Variants in SLC4A4 observed in about 807,000 individuals in gnomAD.
SLC4A4 encodes the protein solute carrier family 4 member 4.
A neutral mutation model predicts 111.5 loss-of-function variants in SLC4A4; 27 were observed. The ratio of observed to expected loss-of-function variants is 0.24; its 90% CI spans 0.18 to 0.33. SLC4A4 has a LOEUF of 0.33. Ranked by LOEUF, SLC4A4 falls within the 10% of genes least tolerant of loss-of-function variation. The pLI, the probability that SLC4A4 is intolerant of heterozygous loss-of-function variation, is 1.00. For synonymous variants in SLC4A4, 443 were observed against 463.4 expected, an observed-to-expected ratio of 0.96 and a Z score of 0.57; for missense variants, 909 against 1,315.5, an observed-to-expected ratio of 0.69 and a Z score of 4.78.
intron 2 of SLC4A4, among the ~76,000 whole-genome samples, chr4:71,155,361 C>A (rs969186049): frequency 1.3e-5 from 2 of 152,128 alleles, no homozygotes; most frequent in African/African-American, 4.8e-5. Flanking sequence ...TATTAAAAAA[C>A]CAAATAAAGA....
chr4:71,501,252 T>C (rs914357458), intron 16 of SLC4A4, among the ~76,000 whole-genome samples: 3 of 152,168 alleles, frequency 2.0e-5, no homozygotes, highest in Admixed American at 1.3e-4. Context: ...TTCAGATAGG[T>C]TGTTGTTGGT....
At chr4:71,092,379 T>C (rs1428513168) in intron 1 of SLC4A4, among the ~76,000 whole-genome samples, 2 of 152,242 alleles carry the variant, frequency 1.3e-5, no homozygotes, top group Non-Finnish European at 2.9e-5. Context: ...TGTTGACAGA[T>C]ATTTTAAAAA....
At chr4:71,443,234 C>T (rs1396671903) in intron 8 of SLC4A4, among the ~76,000 whole-genome samples, 11 of 149,370 alleles carry the variant, frequency 7.4e-5, no homozygotes, top group Non-Finnish European at 1.5e-4. Flanking sequence ...CACTGCAACC[C>T]CCGCCTCCCT....
rs908520478 is a variant in SLC4A4, at chr4:71,493,524, CT to C, written c.1975-3968del. Among the ~76,000 whole-genome samples, 5 of 151,346 alleles carry C rather than the reference CT, an allele frequency of 3.3e-5. No individual in the cohort carries two copies. In the East Asian group the frequency reaches 7.8e-4, roughly 24 times the overall value. On this transcript the variant is annotated intron_variant, in intron 15 of 25. Transcript: ENST00000264485. ...TGCTACTGTCTTGCTCTGCTCTTTT[CT>C]TTTTTTTTCCTTATTGATGCACAGT...
chr4:71,267,225 G>A lies in SLC4A4; in HGVS notation c.253+11826G>A, dbSNP rs549271174. ...TTAAGTTCTACCTTTGGTATGTACT[G>A]TTGGAGTGTGGCCCATGGTGCTGTG... On this transcript the variant is annotated intron_variant, in intron 3 of 25. Transcript: ENST00000264485. 2.0e-5 allele frequency among the ~76,000 whole-genome samples: 3 copies of A among 152,304 alleles called. No individual in the cohort carries two copies. The South Asian group carries it at 6.2e-4, about 32-fold the overall frequency.
intron 3 of SLC4A4, among the ~76,000 whole-genome samples, chr4:71,315,522 CT>C (rs2148860646): frequency 6.6e-6 from 1 of 152,180 alleles, no homozygotes; most frequent in African/African-American, 2.4e-5. Flanking sequence ...TGATGTGGAC[CT>C]TTTTCAATAG....
chr4:71,379,161 C>A (rs764964699), intron 6 of SLC4A4, among the ~76,000 whole-genome samples: 12 of 152,286 alleles, frequency 7.9e-5, no homozygotes, highest in Non-Finnish European at 1.6e-4. Flanking sequence ...ACACATCACT[C>A]CCTCTGCTCA....
intron 1 of SLC4A4, among the ~76,000 whole-genome samples, chr4:71,078,943 C>G (rs1379095072): frequency 1.3e-5 from 2 of 152,116 alleles, no homozygotes; most frequent in East Asian, 3.9e-4. Flanking sequence ...CTCAGCCTCC[C>G]AAGTAGCCAG....
chr4:71,420,601 C>A lies in SLC4A4; in HGVS notation c.808-20015C>A, dbSNP rs185436030. On this transcript the variant is annotated intron_variant, in intron 7 of 25. Coordinates refer to ENST00000264485, the MANE Select transcript of SLC4A4 (RefSeq NM_001098484.3). ...AGCCAGAGAGAAAGGTCGGGTTACTCACAAAGGGAAGCCCATCAGACTAAC... is the reference window on the plus strand; with the variant it reads ...AGCCAGAGAGAAAGGTCGGGTTACTAACAAAGGGAAGCCCATCAGACTAAC... 2.2e-3 allele frequency among the ~76,000 whole-genome samples: 339 copies of A among 152,310 alleles called. 1 individual carries two copies. The highest frequency in any genetic ancestry group is 7.6e-3 in the African/African-American group (316 of 41,550).
intron 12 of SLC4A4, among the ~76,000 whole-genome samples, chr4:71,465,521 A>G (rs897768024): frequency 6.6e-6 from 1 of 150,422 alleles, no homozygotes; most frequent in Non-Finnish European, 1.5e-5. Context: ...TAATTATTTT[A>G]ATGGCAAAAA....
At chr4:71,089,081 T>C (rs1024056163) in intron 1 of SLC4A4, among the ~76,000 whole-genome samples, 8 of 152,084 alleles carry the variant, frequency 5.3e-5, no homozygotes, top group Non-Finnish European at 1.5e-5. Flanking sequence ...AGTCCCATAT[T>C]TCTTGGAGGC....
chr4:71,287,302 A>G (rs1723992670), intron 3 of SLC4A4, among the ~76,000 whole-genome samples: 2 of 152,354 alleles, frequency 1.3e-5, no homozygotes, highest in Non-Finnish European at 2.9e-5. Flanking sequence ...AATGAAATAC[A>G]ATTGTGCATT....
At chr4:71,514,958 T>C (rs1365012393) in intron 16 of SLC4A4, among the ~76,000 whole-genome samples, 2 of 152,040 alleles carry the variant, frequency 1.3e-5, no homozygotes, top group African/African-American at 4.8e-5. Flanking sequence ...CATTGATTCT[T>C]TGTATTTTTT....
chr4:71,510,381 T>C (rs1445052528), intron 16 of SLC4A4, among the ~76,000 whole-genome samples: 3 of 152,194 alleles, frequency 2.0e-5, no homozygotes, highest in Non-Finnish European at 2.9e-5. Flanking sequence ...GCTATTTTGG[T>C]CCCTTTTTGT....
intron 6 of SLC4A4, among the ~76,000 whole-genome samples, chr4:71,387,554 G>A (rs1177778635): frequency 6.6e-6 from 1 of 152,006 alleles, no homozygotes; most frequent in Admixed American, 6.6e-5. Flanking sequence ...GAGTGCAATG[G>A]TGTGATCTTG....
intron 16 of SLC4A4, among the ~76,000 whole-genome samples, chr4:71,513,695 G>A (rs973862416): frequency 6.6e-5 from 10 of 152,248 alleles, no homozygotes; most frequent in Non-Finnish European, 1.2e-4. Context: ...GGATATCCTT[G>A]TCTTCTTCCA....
upstream of SLC4A4, chr4:71,187,157 C>G (rs1271021514): frequency 2.0e-5 from 3 of 151,832 alleles, no homozygotes; most frequent in Non-Finnish European, 4.4e-5. Context: ...ACTGGCGCCC[C>G]GCTCGCTCCG....
intron 1 of SLC4A4, among the ~76,000 whole-genome samples, chr4:71,086,919 C>A (rs923155370): frequency 6.6e-6 from 1 of 151,908 alleles, no homozygotes; most frequent in African/African-American, 2.4e-5. Flanking sequence ...GCTGGCCTCA[C>A]AAAATGAGTT....
At chr4:71,090,450 G>A (rs147304668) in intron 1 of SLC4A4, among the ~76,000 whole-genome samples, 56 of 152,194 alleles carry the variant, frequency 3.7e-4, no homozygotes, top group African/African-American at 1.2e-3. Context: ...CTGGTACCTC[G>A]GTTGGAAATG....
Sources: allele counts gnomAD v4.1 joint callset (sites outside exome capture counted in the v4.1 genomes callset), GRCh38; gene constraint gnomAD v4.1.1; transcripts MANE v1.5; gene names NCBI Gene and HGNC (gene_info 2026-07-23, HGNC 2026-07-21).